CFAP97D1: variants seen among roughly 807,000 people sequenced by gnomAD.
The protein encoded by CFAP97D1 is sperm axonemal maintenance protein CFAP97D1.
In CFAP97D1, 15 loss-of-function variants were observed where a neutral mutation model predicts 20.5. That is an observed-to-expected ratio of 0.73 (90% CI 0.49 to 1.13). CFAP97D1 has a LOEUF of 1.13. CFAP97D1 is among the 50% of genes most tolerant of loss of function. The pLI, the probability that CFAP97D1 is intolerant of heterozygous loss-of-function variation, is 0.00. For synonymous variants in CFAP97D1, 58 were observed against 71.2 expected (o/e 0.82, Z 0.93); for missense variants, 168 against 202.9 (o/e 0.83, Z 1.04).
In CFAP97D1 at chr17:43,787,489, A is replaced by C. The variant is rs2044300159; in HGVS notation, c.*3107A>C. 1 of 152,148 alleles carries C rather than the reference A, an allele frequency of 6.6e-6. No homozygotes were observed. The highest frequency in any genetic ancestry group is 2.1e-4 in the South Asian group (1 of 4,824). The allele number at this position is 152,148 out of a possible 1,614,324, so 9.4% of individuals were successfully genotyped here. On this transcript the variant is annotated 3_prime_UTR_variant, in exon 6 of 6. Transcript: ENST00000449302. ...TATCAATGTCAATATCCTTGTTGTG[A>C]TACTGTACCATATAGTTTTGCACTA...
At chr17:43,780,733 A>G (rs576943947) in intron 1 of CFAP97D1, 147 bp downstream of exon 1, 4 of 859,204 alleles carry the variant, frequency 4.7e-6, no homozygotes, top group Admixed American at 2.7e-5. Context: ...ATTAGCACCA[A>G]TAACAAAATG....
Position 43,781,800 on chromosome 17 carries a change from C to T in CFAP97D1, c.222C>T (p.Ile74=), listed in dbSNP as rs960363065. The T allele has an allele frequency of 2.3e-5, 35 of 1,551,298 alleles. No homozygotes were observed. Among genetic ancestry groups the T allele is most frequent in the Middle Eastern group, 3.3e-4 (2 of 6,012 alleles). The part of the protein sequence containing the change: ...LQGEQKKINK[I]EYENKQLCQK... The stretch of plus-strand genomic sequence containing the variant: ...GTGAACAAAAGAAAATCAACAAAAT[C>T]GAGTATGAAAACAAGCAACTGTGTC... The change falls in exon 3 of 6, where the codon ATC becomes ATT. Residue 74 remains isoleucine, a synonymous_variant. Transcript: ENST00000449302.
chr17:43,781,066 G>T, intron 1 of CFAP97D1, 53 bp from the exon 2 acceptor site: 2 of 1,380,444 alleles, frequency 1.4e-6, no homozygotes, highest in Non-Finnish European at 2.0e-6. Flanking sequence ...TTCTGAGGCC[G>T]CTACTGGAAT....
intron 5 of CFAP97D1, 144 bp from the exon 6 acceptor site, chr17:43,784,239 T>C (rs2044274826): frequency 5.0e-6 from 1 of 201,816 alleles, no homozygotes; most frequent in East Asian, 1.2e-4. Context: ...CAGCATGTTG[T>C]CATTTTGTAT....
chr17:43,781,893 G>A lies in CFAP97D1; in HGVS notation c.314+1G>A. The A allele has an allele frequency of 6.5e-7, 1 of 1,533,466 alleles. No individual in the cohort carries two copies. Among genetic ancestry groups the A allele is most frequent in the Non-Finnish European group, 8.8e-7 (1 of 1,130,306 alleles). 95.0% of individuals were successfully genotyped at this position (1,533,466 alleles called of 1,614,324 possible). Reference sequence around the variant, plus strand: ...GCTGGAATGAATATTTTTCCAAGAGGTAATGTTCTTTGTCTTCATTTCAGT... The same window carrying A: ...GCTGGAATGAATATTTTTCCAAGAGATAATGTTCTTTGTCTTCATTTCAGT... On this transcript the variant is annotated splice_donor_variant, in intron 3 of 5. Transcript: ENST00000449302. LOFTEE classifies it high-confidence loss of function.
At chr17:43,781,325 G>A (rs757463376) in intron 2 of CFAP97D1, 136 bp downstream of exon 2, 7 of 717,442 alleles carry the variant, frequency 9.8e-6, no homozygotes, top group African/African-American at 1.8e-5. Context: ...TCCTCCCCAC[G>A]CGTCACCCCC....
At chr17:43,781,250 C>A in intron 2 of CFAP97D1, 61 bp downstream of exon 2, 1 of 1,373,202 alleles carries the variant, frequency 7.3e-7, no homozygotes, top group Non-Finnish European at 1.0e-6. Flanking sequence ...AGTCTGTTTC[C>A]TAAAGAGGTT....
At chr17:43,781,959 T>C (rs890019276) in intron 3 of CFAP97D1, 67 bp downstream of exon 3, 20 of 1,102,700 alleles carry the variant, frequency 1.8e-5, no homozygotes, top group Admixed American at 6.0e-5. Context: ...GGTTTTAGTG[T>C]GAGGTTTTCC....
rs1470233635 is a variant in CFAP97D1, at chr17:43,783,215, G to C, written c.350G>C (p.Arg117Thr). The change falls in exon 4 of 6, where the codon AGA becomes ACA. Residue 117 changes from arginine (R) to threonine (T), a missense_variant. Arg to Thr is a moderately conservative substitution (Grantham distance 71). Coordinates refer to ENST00000449302, the MANE Select transcript of CFAP97D1 (RefSeq NM_001136483.3). ...NRETRNRELVRITMENQGILK... is the reference protein window; with the variant it reads ...NRETRNRELVTITMENQGILK... ...GAAACAAGGAACCGCGAGCTAGTGA[G>C]AATCACCATGGAAAACCAGGGCATT... 36 of 1,551,386 alleles carry C rather than the reference G, an allele frequency of 2.3e-5. No individual in the cohort carries two copies. The Admixed American group carries it at 4.7e-4, about 20-fold the overall frequency.
rs1263390686 is a variant in CFAP97D1, at chr17:43,781,892, G to A, written c.314G>A (p.Ser105Asn). 1 of 1,535,298 alleles carries A rather than the reference G, an allele frequency of 6.5e-7. No individual in the cohort carries two copies. The highest frequency in any genetic ancestry group is 2.4e-5 in the East Asian group (1 of 40,840). ...TGCTGGAATGAATATTTTTCCAAGA[G>A]GTAATGTTCTTTGTCTTCATTTCAG... is the stretch of plus-strand genomic sequence containing the variant. Reference protein sequence around the residue: ...VDCWNEYFSKSLNRETRNREL... With the variant: ...VDCWNEYFSKNLNRETRNREL... The change falls in exon 3 of 6, where the codon AGC (serine) becomes AAC (asparagine). Residue 105 changes from serine (S) to asparagine (N), a missense_variant and splice_region_variant. Physicochemically the swap from Ser to Asn is conservative, Grantham distance 46. Coordinates refer to ENST00000449302, the MANE Select transcript of CFAP97D1 (RefSeq NM_001136483.3).
At position 43,780,448 on chromosome 17, in the gene CFAP97D1, G is replaced by T. The variant is rs528165628; in HGVS notation, c.-15G>T. On this transcript the variant is annotated 5_prime_UTR_variant, in exon 1 of 6. Coordinates refer to ENST00000449302, the MANE Select transcript of CFAP97D1 (RefSeq NM_001136483.3). ...TCTGGGTACCTCATTTCTGAAGTGA[G>T]ACTAGGAAGAGAAGATGAACAATTC... The T allele has an allele frequency of 5.2e-6, 8 of 1,551,672 alleles. No individual in the cohort carries two copies. In the African/African-American group the frequency reaches 5.5e-5, roughly 11 times the overall value.
chr17:43,786,436 A>G lies in CFAP97D1; in HGVS notation c.*2054A>G, dbSNP rs942886643. 3 of 152,298 alleles carry G rather than the reference A, an allele frequency of 2.0e-5. No homozygotes were observed. The highest frequency in any genetic ancestry group is 7.2e-5 in the African/African-American group (3 of 41,564). The allele number at this position is 152,298 out of a possible 1,614,324, so 9.4% of individuals were successfully genotyped here. On this transcript the variant is annotated 3_prime_UTR_variant, in exon 6 of 6. Transcript: ENST00000449302. ...ATAAAGGAACAGGGAGGCCTCCTGC[A>G]CCCTTTACCCAGTCTCCACCAATGT...
chr17:43,784,641 A>C lies in CFAP97D1; in HGVS notation c.*259A>C, dbSNP rs949856479. 1.0e-4 allele frequency: 15 copies of C among 150,542 alleles called. No individual in the cohort carries two copies. Among genetic ancestry groups the C allele is most frequent in the African/African-American group, 3.7e-4 (15 of 40,872 alleles). 9.3% of individuals were successfully genotyped at this position (150,542 alleles called of 1,614,324 possible). On this transcript the variant is annotated 3_prime_UTR_variant, in exon 6 of 6. Coordinates refer to ENST00000449302, the MANE Select transcript of CFAP97D1 (RefSeq NM_001136483.3). The stretch of plus-strand genomic sequence containing the variant: ...AGTTTTAACGAGAGAGAGAGAGAGA[A>C]ATCTGAGAGAACTCTTTAAAACATA...
chr17:43,782,815 C>T (rs544005849), intron 3 of CFAP97D1: 3 of 192,612 alleles, frequency 1.6e-5, no homozygotes, highest in Admixed American at 1.1e-4. Context: ...TGTCGCCAGC[C>T]GTTTGTGATT....
chr17:43,786,522 A>C lies in CFAP97D1; in HGVS notation c.*2140A>C, dbSNP rs764543872. On this transcript the variant is annotated 3_prime_UTR_variant, in exon 6 of 6. Transcript: ENST00000449302. ...CAGGAAACTGACATTGGCATGATGCATGGAACCTATGCAGGTTTCATCAGT... is the reference window on the plus strand; with the variant it reads ...CAGGAAACTGACATTGGCATGATGCCTGGAACCTATGCAGGTTTCATCAGT... 6.6e-6 allele frequency: 1 copy of C among 152,234 alleles called. No homozygotes were observed. Among genetic ancestry groups the C allele is most frequent in the Non-Finnish European group, 1.5e-5 (1 of 68,052 alleles). 9.4% of individuals were successfully genotyped at this position (152,234 alleles called of 1,614,324 possible).
chr17:43,782,477 C>T (rs1030140878), intron 3 of CFAP97D1, among the ~76,000 whole-genome samples: 4 of 152,126 alleles, frequency 2.6e-5, no homozygotes, highest in Non-Finnish European at 4.4e-5. Flanking sequence ...GGGACACAGG[C>T]ATCTGTTCCA....
chr17:43,781,645 C>T, intron 2 of CFAP97D1, 129 bp from the exon 3 acceptor site: 1 of 684,224 alleles, frequency 1.5e-6, no homozygotes, highest in Non-Finnish European at 2.6e-6. Context: ...TTAAGTTCTG[C>T]TTCCAGTCTC....
In CFAP97D1 at chr17:43,781,135, T is replaced by C; in HGVS notation, c.141T>C (p.Asp47=). The C allele has an allele frequency of 6.4e-7, 1 of 1,551,554 alleles. No homozygotes were observed. The highest frequency in any genetic ancestry group is 8.7e-7 in the Non-Finnish European group (1 of 1,146,846). The part of the protein sequence containing the change: ...NRIQIAKPTV[D]TKPPVAHTNH... ...CTTCTCTAGCGAAGCCTACTGTTGA[T>C]ACCAAACCTCCAGTGGCGCACACAA... The change falls in exon 2 of 6, where the codon GAT becomes GAC. Residue 47 remains aspartate (D), a synonymous_variant. Coordinates refer to ENST00000449302, the MANE Select transcript of CFAP97D1 (RefSeq NM_001136483.3).
At chr17:43,782,918 C>T (rs962856404) in intron 3 of CFAP97D1, 21 of 429,294 alleles carry the variant, frequency 4.9e-5, no homozygotes, top group African/African-American at 2.6e-4. Context: ...CCAGTGTGCA[C>T]GGTTCACCTC....
Sources: gnomAD v4.1 joint callset for allele counts (sites outside exome capture counted in the v4.1 genomes callset) on GRCh38, gnomAD v4.1.1 for gene constraint, MANE v1.5 for transcripts, NCBI Gene and HGNC (gene_info 2026-07-23, HGNC 2026-07-21) for gene names.